ZEB1: variants seen among roughly 807,000 people sequenced by gnomAD.
ZEB1 encodes zinc finger E-box binding homeobox 1.
ZEB1 carries 21 observed loss-of-function variants against 84.9 expected under a neutral mutation model. That is an observed-to-expected ratio of 0.25 (90% confidence interval 0.18 to 0.36). ZEB1 has a LOEUF of 0.36. ZEB1 is among the 10% of genes least tolerant of loss of function. The pLI, the probability that ZEB1 is intolerant of heterozygous loss-of-function variation, is 1.00. For missense variants in ZEB1, 1,104 were observed against 1,330.2 expected (o/e 0.83, Z 2.65); for synonymous variants, 420 against 471.1 (o/e 0.89, Z 1.41).
At chr10:31,469,082 G>A (rs918443695) in intron 2 of ZEB1, among the ~76,000 whole-genome samples, 1 of 152,110 alleles carries the variant, frequency 6.6e-6, no homozygotes, top group Non-Finnish European at 1.5e-5. Flanking sequence ...AAAACAAATG[G>A]AATATCTGAA....
chr10:31,411,904 T>G (rs1367594457), intron 1 of ZEB1, among the ~76,000 whole-genome samples: 2 of 152,164 alleles, frequency 1.3e-5, no homozygotes, highest in African/African-American at 2.4e-5. Context: ...GGGAATTGCT[T>G]AAGTTCATAA....
At chr10:31,499,480 A>G (rs2067782427) in intron 3 of ZEB1, among the ~76,000 whole-genome samples, 1 of 152,186 alleles carries the variant, frequency 6.6e-6, no homozygotes, top group Non-Finnish European at 1.5e-5. Flanking sequence ...CAGCCAGCCA[A>G]GTCAGACTTA....
chr10:31,526,581 C>T (rs2073492355), intron 8 of ZEB1, 91 bp from the exon 9 acceptor site: 9 of 1,468,532 alleles, frequency 6.1e-6, no homozygotes, highest in Admixed American at 1.9e-5. Flanking sequence ...ATAACCCTCC[C>T]CTTTCTACAA....
chr10:31,452,385 T>C (rs1348085821), intron 1 of ZEB1, among the ~76,000 whole-genome samples: 1 of 152,118 alleles, frequency 6.6e-6, no homozygotes, highest in Non-Finnish European at 1.5e-5. Flanking sequence ...AAAAGTCAGA[T>C]TAACAAAAAT....
At chr10:31,419,080 T>G (rs891921253) in intron 1 of ZEB1, among the ~76,000 whole-genome samples, 3 of 152,198 alleles carry the variant, frequency 2.0e-5, no homozygotes, top group African/African-American at 7.2e-5. Context: ...TCATGGAGTT[T>G]CCAGTATAAT....
chr10:31,509,089 G>A (rs2069497880), intron 4 of ZEB1, among the ~76,000 whole-genome samples: 1 of 152,166 alleles, frequency 6.6e-6, no homozygotes, highest in Non-Finnish European at 1.5e-5. Context: ...CAGCATTAGT[G>A]ATGACTGGGA....
chr10:31,412,143 C>G, intron 1 of ZEB1, among the ~76,000 whole-genome samples: 1 of 152,110 alleles, frequency 6.6e-6, no homozygotes, highest in East Asian at 1.9e-4. Context: ...TCTTATTTTC[C>G]TCTCTTTTTT....
chr10:31,524,223 G>A, intron 8 of ZEB1, 110 bp downstream of exon 8: 1 of 1,177,600 alleles, frequency 8.5e-7, no homozygotes. Context: ...TTTTTATTTT[G>A]TTTTGAGACA....
rs574857665 is a variant in ZEB1, at chr10:31,324,145, A to G, written c.58+4853A>G. Among the ~76,000 whole-genome samples the G allele has an allele frequency of 7.2e-5, 11 of 152,140 alleles. No individual in the cohort carries two copies. In the East Asian group the frequency reaches 1.3e-3, roughly 19 times the overall value. Reference sequence around the variant, plus strand: ...ACGAGATACATTGTAGCATGGAGCAAAACTTAAAGTATCTTATAAATTGAA... The same window carrying G: ...ACGAGATACATTGTAGCATGGAGCAGAACTTAAAGTATCTTATAAATTGAA... On this transcript the variant is annotated intron_variant, in intron 1 of 8. Coordinates refer to ENST00000424869, the MANE Select transcript of ZEB1 (RefSeq NM_001174096.2).
intron 1 of ZEB1, among the ~76,000 whole-genome samples, chr10:31,431,650 TC>T (rs2057727467): frequency 6.6e-6 from 1 of 152,148 alleles, no homozygotes; most frequent in Admixed American, 6.5e-5. Context: ...GAAAATAAAA[TC>T]CTCTGAACCT....
chr10:31,515,296 G>T (rs2070868240), intron 6 of ZEB1, among the ~76,000 whole-genome samples: 1 of 152,002 alleles, frequency 6.6e-6, no homozygotes, highest in South Asian at 2.1e-4. Context: ...TGAAAGTGTT[G>T]TGTCTATTTT....
At chr10:31,425,005 T>A (rs867418607) in intron 1 of ZEB1, among the ~76,000 whole-genome samples, 21 of 151,956 alleles carry the variant, frequency 1.4e-4, no homozygotes, top group South Asian at 6.2e-4. Flanking sequence ...AAATTTTTTT[T>A]AAATGGGAAA....
rs1327333599 is a variant in ZEB1, at chr10:31,526,792, G to A, written c.2906G>A (p.Arg969His). The change falls in exon 9 of 9, where the codon CGC becomes CAC. Residue 969 changes from arginine to histidine, a missense_variant. By Grantham distance (29) the Arg-to-His change is conservative. This residue lies in a region of ZEB1 where 53 missense variants were observed against 92.5 expected (regional missense o/e 0.57). Coordinates refer to ENST00000424869, the MANE Select transcript of ZEB1 (RefSeq NM_001174096.2). ...KPYQCDKCGK[R>H]FSHSGSYSQH... ...TATCAATGTGACAAATGTGGAAAGC[G>A]CTTCTCACACTCTGGGTCTTATTCT... 2.5e-6 allele frequency: 4 copies of A among 1,613,978 alleles called. No individual in the cohort carries two copies. Among genetic ancestry groups the A allele is most frequent in the Non-Finnish European group, 3.4e-6 (4 of 1,180,018 alleles).
intron 1 of ZEB1, among the ~76,000 whole-genome samples, chr10:31,402,733 A>G (rs1218519917): frequency 6.6e-6 from 1 of 152,088 alleles, no homozygotes; most frequent in Non-Finnish European, 1.5e-5. Flanking sequence ...AAACAAGGAT[A>G]AAGTGCTCAG....
intron 1 of ZEB1, chr10:31,389,646 G>A (rs1034944827): frequency 1.3e-5 from 2 of 151,870 alleles, no homozygotes; most frequent in African/African-American, 4.8e-5. Flanking sequence ...GAGACATCTA[G>A]ACCAGCACTA....
chr10:31,355,017 T>C (rs1351240577), intron 1 of ZEB1: 1 of 152,200 alleles, frequency 6.6e-6, no homozygotes, highest in African/African-American at 2.4e-5. Context: ...TTTTGTATAG[T>C]ATCTCCTTTG....
At chr10:31,473,346 G>A (rs1475472019) in intron 2 of ZEB1, among the ~76,000 whole-genome samples, 1 of 149,666 alleles carries the variant, frequency 6.7e-6, no homozygotes, top group Admixed American at 6.6e-5. Flanking sequence ...AAGCTGATAA[G>A]CAACTTCAGC....
intron 1 of ZEB1, among the ~76,000 whole-genome samples, chr10:31,457,202 A>G (rs975696260): frequency 1.3e-5 from 2 of 152,188 alleles, no homozygotes; most frequent in African/African-American, 4.8e-5. Context: ...GTTCAGGGGT[A>G]TAGAGATCAT....
intron 1 of ZEB1, among the ~76,000 whole-genome samples, chr10:31,422,038 A>G (rs2056249341): frequency 6.6e-6 from 1 of 152,224 alleles, no homozygotes; most frequent in East Asian, 1.9e-4. Flanking sequence ...CATTTGAACT[A>G]CAGGCCATCC....
Sources: gnomAD v4.1 joint callset for allele counts (sites outside exome capture counted in the v4.1 genomes callset) on GRCh38, gnomAD v4.1.1 for gene constraint, gnomAD v4.1.1 regional missense constraint, MANE v1.5 for transcripts, NCBI Gene and HGNC (gene_info 2026-07-23, HGNC 2026-07-21) for gene names.